The following MAP7D3 variants were observed in gnomAD, a reference collection of about 807,000 sequenced individuals.
MAP7D3 encodes the protein MAP7 domain containing 3, also known as MAP7 domain-containing protein 3.
In MAP7D3, 45 loss-of-function variants were observed where a neutral mutation model predicts 62.2. The observed-to-expected ratio is 0.72, with a 90% CI of 0.57 to 0.93. The LOEUF is 0.93. Among genes scored for constraint, MAP7D3 ranks in the 40% least tolerant of loss-of-function variants. MAP7D3 has a pLI of 0.00. For synonymous variants in MAP7D3, 288 were observed against 248.8 expected, an observed-to-expected ratio of 1.16 and a Z score of -1.48; for missense variants, 711 against 683.1, an observed-to-expected ratio of 1.04 and a Z score of -0.45.
At chrX:136,256,227 T>C (rs1204901174), upstream of MAP7D3, 10 of 1,148,105 alleles carry the variant, frequency 8.7e-6, no homozygotes, top group Admixed American at 2.6e-5. Flanking sequence ...TCTGGACTCA[T>C]CTCTTGCCAA....
At chrX:136,250,390 C>T (rs1307838797) in intron 1 of MAP7D3, among the ~76,000 whole-genome samples, 3 of 111,983 alleles carry the variant, frequency 2.7e-5, no homozygotes, top group African/African-American at 9.7e-5. Context: ...AATCCTATCT[C>T]AGGTAGTGGA....
chrX:136,225,735 G>A (rs1425270329), intron 13 of MAP7D3, among the ~76,000 whole-genome samples, 174 bp downstream of exon 13: 2 of 112,038 alleles, frequency 1.8e-5, no homozygotes, highest in Non-Finnish European at 3.8e-5. Flanking sequence ...ATCAGTAAGA[G>A]GACAGCCCTC....
At chrX:136,254,376 C>T (rs1243742150), upstream of MAP7D3, among the ~76,000 whole-genome samples, 2 of 111,125 alleles carry the variant, frequency 1.8e-5, no homozygotes, top group Non-Finnish European at 3.8e-5. Context: ...TGAACCACTG[C>T]GCCCAGCCGA....
chrX:136,254,365 G>A (rs1925805675), upstream of MAP7D3, among the ~76,000 whole-genome samples: 1 of 111,150 alleles, frequency 9.0e-6, no homozygotes, highest in Non-Finnish European at 1.9e-5. Flanking sequence ...GATTACAGAT[G>A]TGAACCACTG....
At chrX:136,245,517 G>A (rs903613197) in intron 3 of MAP7D3, among the ~76,000 whole-genome samples, 1 of 111,435 alleles carries the variant, frequency 9.0e-6, no homozygotes, top group Non-Finnish European at 1.9e-5. Flanking sequence ...GAAGGCCGAG[G>A]TGGGTGGATC....
chrX:136,250,894 T>G (rs2074499072), intron 1 of MAP7D3, among the ~76,000 whole-genome samples: 1 of 111,098 alleles, frequency 9.0e-6, no homozygotes, highest in Admixed American at 9.3e-5. Flanking sequence ...TTGGGGCGGT[T>G]GCGCGGGCGG....
intron 14 of MAP7D3, among the ~76,000 whole-genome samples, chrX:136,224,357 A>G (rs1467657238): frequency 9.4e-6 from 1 of 106,549 alleles, no homozygotes; most frequent in Non-Finnish European, 1.9e-5. Flanking sequence ...CCGAGATCAC[A>G]CCACTACACT....
rs956529376 is a variant in MAP7D3 at position 136,216,935 on chromosome X, T to G, written c.*1591A>C. ...CTTTTGTTAGGATGATTGTCTCTGT[T>G]TTATACATGAAAGAGCTAGTATATA... On this transcript the variant is annotated 3_prime_UTR_variant, in exon 19 of 19. Transcript: ENST00000316077. 2.7e-5 allele frequency: 3 copies of G among 112,476 alleles called. No individual in the cohort carries two copies. The highest frequency in any genetic ancestry group is 9.7e-5 in the African/African-American group (3 of 30,916). 9.3% of individuals were successfully genotyped at this position (112,476 alleles called of 1,213,427 possible). A position where few individuals can be genotyped will look rare whatever the true frequency, so the allele number is the denominator to read the frequency against.
intron 4 of MAP7D3, among the ~76,000 whole-genome samples, chrX:136,243,099 G>T (rs1208696864): frequency 9.0e-6 from 1 of 111,260 alleles, no homozygotes; most frequent in Non-Finnish European, 1.9e-5. Context: ...GCACGTACAA[G>T]AGCAAAGGTA....
intron 10 of MAP7D3, among the ~76,000 whole-genome samples, chrX:136,229,989 A>ATTT (rs1340858701): frequency 8.6e-5 from 4 of 46,636 alleles, no homozygotes; most frequent in Non-Finnish European, 1.6e-4. Context: ...ATATATATAT[A>ATTT]TATATTTTTT....
upstream of MAP7D3, among the ~76,000 whole-genome samples, chrX:136,254,397 A>G (rs946849084): frequency 9.0e-6 from 1 of 110,965 alleles, no homozygotes; most frequent in Non-Finnish European, 1.9e-5. Context: ...GTTTTTTTCA[A>G]TCTAGAAGTT....
At position 136,244,745 on chromosome X, in the gene MAP7D3, A is replaced by G; in HGVS notation, c.304T>C (p.Tyr102His). The change falls in exon 4 of 19, where the codon TAT becomes CAT. Residue 102 changes from tyrosine (Y) to histidine (H), a missense_variant. Physicochemically the swap from Tyr to His is moderately conservative, Grantham distance 83. Coordinates refer to ENST00000316077, the MANE Select transcript of MAP7D3 (RefSeq NM_024597.4). ...LEKERKTKLQ[Y>H]EKQMEERQRK... ...TGTCTTTCCTCCATCTGTTTTTCATATTGGAGCTTGGTCTTTCTTTCTTTT... is the reference window on the plus strand; with the variant it reads ...TGTCTTTCCTCCATCTGTTTTTCATGTTGGAGCTTGGTCTTTCTTTCTTTT... 1 of 1,199,389 alleles carries G rather than the reference A, an allele frequency of 8.3e-7. No individual in the cohort carries two copies. Among genetic ancestry groups the G allele is most frequent in the Admixed American group, 2.2e-5 (1 of 45,572 alleles).
At chrX:136,231,311 C>G (rs1465471985) in intron 8 of MAP7D3, among the ~76,000 whole-genome samples, 1 of 111,668 alleles carries the variant, frequency 9.0e-6, no homozygotes, top group Non-Finnish European at 1.9e-5. Flanking sequence ...CTTACATTTT[C>G]TCCCTTCTAA....
chrX:136,231,216 A>T (rs181942394), intron 8 of MAP7D3: 24 of 329,517 alleles, frequency 7.3e-5, no homozygotes, highest in African/African-American at 5.1e-4. Context: ...TTCAAAACCA[A>T]ACTCAATTTC....
chrX:136,229,993 A>ATATATATATTTT (rs1210531192), intron 10 of MAP7D3, among the ~76,000 whole-genome samples: 1 of 48,126 alleles, frequency 2.1e-5, no homozygotes, highest in African/African-American at 9.4e-5. Flanking sequence ...ATATATATAT[A>ATATATATATTTT]TTTTTTTTTT....
At chrX:136,224,625 A>C (rs1013377856) in intron 14 of MAP7D3, among the ~76,000 whole-genome samples, 11 of 111,817 alleles carry the variant, frequency 9.8e-5, no homozygotes, top group Non-Finnish European at 2.1e-4. Flanking sequence ...TCTTGGGCAA[A>C]AGATAAAAAA....
Position 136,227,357 on chromosome X carries a change from T to C in MAP7D3, c.1961A>G (p.Asp654Gly). The change falls in exon 12 of 19, where the codon GAT (aspartate) becomes GGT (glycine). Residue 654 changes from aspartate (D) to glycine (G), a missense_variant. Transcript: ENST00000316077. Reference sequence around the variant, plus strand: ...TTTAGTCTCATTTTGTTGCTGCCCATCTTTGAGTTTCAAGTGGTCTTCTGC... The same window carrying C: ...TTTAGTCTCATTTTGTTGCTGCCCACCTTTGAGTTTCAAGTGGTCTTCTGC... The part of the protein sequence containing the change: ...GQAEDHLKLK[D>G]GQQQNETKKK... 1 of 1,204,256 alleles carries C rather than the reference T, an allele frequency of 8.3e-7. No homozygotes were observed. The highest frequency in any genetic ancestry group is 1.1e-6 in the Non-Finnish European group (1 of 891,164).
At position 136,227,340 on chromosome X, in the gene MAP7D3, C is replaced by G. The variant is rs201003220; in HGVS notation, c.1978G>C (p.Glu660Gln). The G allele has an allele frequency of 1.1e-4, 136 of 1,202,830 alleles. No homozygotes were observed. The highest frequency in any genetic ancestry group is 1.5e-4 in the Non-Finnish European group (130 of 892,549). ...AGCCATCCTTTCTTCTTTTTAGTCT[C>G]ATTTTGTTGCTGCCCATCTTTGAGT... is the stretch of plus-strand genomic sequence containing the variant. ...LKLKDGQQQN[E>Q]TKKKKGWLDQ... The change falls in exon 12 of 19, where the codon GAG (glutamate) becomes CAG (glutamine). Residue 660 changes from glutamate to glutamine, a missense_variant. By Grantham distance (29) the Glu-to-Gln change is conservative. Transcript: ENST00000316077.
At chrX:136,237,988 T>C (rs995743848) in intron 6 of MAP7D3, among the ~76,000 whole-genome samples, 14 of 110,476 alleles carry the variant, frequency 1.3e-4, no homozygotes, top group Non-Finnish European at 2.3e-4. Flanking sequence ...TGGTTTTTTG[T>C]CCTTGCGATA....
Sources: allele counts gnomAD v4.1 joint callset (sites outside exome capture counted in the v4.1 genomes callset), GRCh38; gene constraint gnomAD v4.1.1; transcripts MANE v1.5; gene names NCBI Gene and HGNC (gene_info 2026-07-23, HGNC 2026-07-21).